HNRNPD: variants seen among roughly 807,000 people sequenced by gnomAD.
HNRNPD encodes the protein heterogeneous nuclear ribonucleoprotein D0.
In HNRNPD, 3 loss-of-function variants were observed where a neutral mutation model predicts 47.9. The observed-to-expected ratio is 0.06, with a 90% CI of 0.03 to 0.16. The LOEUF (loss-of-function observed/expected upper bound fraction) is 0.16. Ranked by LOEUF, HNRNPD falls within the 10% of genes least tolerant of loss-of-function variation. The pLI is 1.00. For synonymous variants in HNRNPD, 171 were observed against 165.1 expected (o/e 1.04, Z -0.28); for missense variants, 287 against 454.2 (o/e 0.63, Z 3.35).
chr4:82,358,642 A>G lies in HNRNPD; in HGVS notation c.621+17T>C. On this transcript the variant is annotated intron_variant, in intron 4 of 8. Coordinates refer to ENST00000313899, the MANE Select transcript of HNRNPD (RefSeq NM_031370.3). The stretch of plus-strand genomic sequence containing the variant: ...ACTAATTTTGACATAAACTGGGTCA[A>G]AACATTTATAACATACCTCACCAAA... 1.3e-6 allele frequency: 2 copies of G among 1,593,714 alleles called. No homozygotes were observed. Among genetic ancestry groups the G allele is most frequent in the Non-Finnish European group, 1.7e-6 (2 of 1,173,910 alleles).
intron 1 of HNRNPD, chr4:82,373,124 G>T (rs371855908): frequency 1.7e-6 from 1 of 573,352 alleles, no homozygotes; most frequent in Non-Finnish European, 3.3e-6. Context: ...GGTACCCCAC[G>T]ACAGGCGGGA....
At chr4:82,369,470 C>CA (rs1001578899) in intron 2 of HNRNPD, among the ~76,000 whole-genome samples, 1 of 152,130 alleles carries the variant, frequency 6.6e-6, no homozygotes, top group African/African-American at 2.4e-5. Context: ...TTTCTAAAAC[C>CA]AACTGATTTT....
At position 82,355,316 on chromosome 4, in the gene HNRNPD, A is replaced by C. The variant is rs781259622; in HGVS notation, c.*18T>G. ...TTTTAGAACATACCTGTTGGGGATA[A>C]GTTGCAAATGGAATAATTTAGTATG... On this transcript the variant is annotated 3_prime_UTR_variant, in exon 8 of 9. Coordinates refer to ENST00000313899, the MANE Select transcript of HNRNPD (RefSeq NM_031370.3). 5.0e-6 allele frequency: 8 copies of C among 1,593,338 alleles called. No individual in the cohort carries two copies. In the South Asian group the frequency reaches 7.7e-5, roughly 15 times the overall value.
chr4:82,362,278 TA>T (rs908210876), intron 2 of HNRNPD, among the ~76,000 whole-genome samples: 2 of 152,236 alleles, frequency 1.3e-5, no homozygotes, highest in African/African-American at 4.8e-5. Context: ...GTTGCTGTTC[TA>T]AAAAGTCTCC....
At position 82,373,915 on chromosome 4, in the gene HNRNPD, A is replaced by T; in HGVS notation, c.-237T>A. 9.9e-7 allele frequency: 1 copy of T among 1,008,236 alleles called. No individual in the cohort carries two copies. The highest frequency in any genetic ancestry group is 1.7e-5 in the African/African-American group (1 of 58,250). 62.5% of individuals were successfully genotyped at this position (1,008,236 alleles called of 1,614,324 possible). ...GCTCTCTCCCGCTGCACTAAAAAAG[A>T]ATAAGCACCAGCGGCGGCCGCTCTC... On this transcript the variant is annotated 5_prime_UTR_variant, in exon 1 of 9. Transcript: ENST00000313899.
rs1719869508 is a variant in HNRNPD at position 82,368,361 on chromosome 4, T to C, written c.290+3167A>G. Among the ~76,000 whole-genome samples, 11 of 152,154 alleles carry C rather than the reference T, an allele frequency of 7.2e-5. No homozygotes were observed. The South Asian group carries it at 2.3e-3, about 32-fold the overall frequency. ...ACGATAGCAGAGTACCCAGGAAATA[T>C]TAAAAACATACACTGAGTTTGTAGA... On this transcript the variant is annotated intron_variant, in intron 2 of 8. Transcript: ENST00000313899.
At chr4:82,363,795 T>C (rs971556634) in intron 2 of HNRNPD, among the ~76,000 whole-genome samples, 7 of 152,214 alleles carry the variant, frequency 4.6e-5, no homozygotes, top group African/African-American at 1.7e-4. Flanking sequence ...TGCTTTCACA[T>C]TGGCTTCCAC....
chr4:82,354,729 A>G (rs1287882796), intron 8 of HNRNPD: 1 of 152,668 alleles, frequency 6.6e-6, no homozygotes, highest in Non-Finnish European at 1.5e-5. Context: ...TAAATAGTTA[A>G]AATTATTCAG....
At chr4:82,359,977 C>A (rs1042990693) in intron 2 of HNRNPD, among the ~76,000 whole-genome samples, 5 of 152,180 alleles carry the variant, frequency 3.3e-5, no homozygotes, top group African/African-American at 9.6e-5. Flanking sequence ...CTTCAAATTT[C>A]TCTTCCAAAT....
intron 2 of HNRNPD, among the ~76,000 whole-genome samples, chr4:82,369,378 T>C (rs1719918291): frequency 6.6e-6 from 1 of 152,212 alleles, no homozygotes; most frequent in South Asian, 2.1e-4. Context: ...TAGTAAACTG[T>C]AGAAACATCC....
chr4:82,370,311 C>T (rs1035347118), intron 2 of HNRNPD, among the ~76,000 whole-genome samples: 6 of 152,100 alleles, frequency 3.9e-5, no homozygotes, highest in Non-Finnish European at 8.8e-5. Flanking sequence ...GTAATTACTT[C>T]GAAGAGTCAA....
intron 2 of HNRNPD, among the ~76,000 whole-genome samples, chr4:82,366,652 C>T (rs895622021): frequency 2.6e-5 from 4 of 152,060 alleles, no homozygotes; most frequent in African/African-American, 9.7e-5. Flanking sequence ...CTGCAACCTC[C>T]GCCTCCAGGG....
chr4:82,373,141 C>A (rs867131968), intron 1 of HNRNPD: 1 of 607,608 alleles, frequency 1.6e-6, no homozygotes, highest in Non-Finnish European at 3.1e-6. Context: ...GGGAAAAAAT[C>A]CTGGCGGCTA....
In HNRNPD at chr4:82,358,670, C is replaced by A; in HGVS notation, c.610G>T (p.Gly204Cys). The A allele has an allele frequency of 6.2e-7, 1 of 1,605,930 alleles. No individual in the cohort carries two copies. The highest frequency in any genetic ancestry group is 8.5e-7 in the Non-Finnish European group (1 of 1,178,362). The change falls in exon 4 of 9, where the codon GGT becomes TGT. Residue 204 changes from glycine to cysteine, a missense_variant. This residue lies in a region of HNRNPD where 39 missense variants were observed against 113.1 expected (regional missense o/e 0.34). Transcript: ENST00000313899. ...PEEKIREYFG[G>C]FGEVESIELP... Reference sequence around the variant, plus strand: ...CATTTATAACATACCTCACCAAAACCACCAAAGTACTCCCTTATTTTCTCT... The same window carrying A: ...CATTTATAACATACCTCACCAAAACAACCAAAGTACTCCCTTATTTTCTCT...
chr4:82,369,227 A>T (rs1719910711), intron 2 of HNRNPD, among the ~76,000 whole-genome samples: 1 of 152,248 alleles, frequency 6.6e-6, no homozygotes, highest in East Asian at 1.9e-4. Context: ...TGCAGAGAAC[A>T]GAATGGGTCC....
intron 6 of HNRNPD, 25 bp from the exon 7 acceptor site, chr4:82,356,708 A>C: frequency 6.2e-7 from 1 of 1,613,636 alleles, no homozygotes; most frequent in Non-Finnish European, 8.5e-7. Flanking sequence ...TAGGTTCACT[A>C]AAGTCAGAAG....
At chr4:82,371,975 G>C (rs1720067354) in intron 1 of HNRNPD, among the ~76,000 whole-genome samples, 1 of 151,924 alleles carries the variant, frequency 6.6e-6, no homozygotes, top group Non-Finnish European at 1.5e-5. Context: ...AGCCTGACAA[G>C]AATCTGCCTA....
At chr4:82,358,915 T>TG (rs1560434429) in intron 3 of HNRNPD, 95 bp from the exon 4 acceptor site, 1 of 919,088 alleles carries the variant, frequency 1.1e-6, no homozygotes, top group African/African-American at 1.7e-5. Flanking sequence ...ATACAGATAA[T>TG]GCCAAGCATA....
chr4:82,369,989 A>G (rs967532051), intron 2 of HNRNPD, among the ~76,000 whole-genome samples: 6 of 152,104 alleles, frequency 3.9e-5, no homozygotes, highest in African/African-American at 1.4e-4. Flanking sequence ...CTAAAAATAC[A>G]AAATTAGCCA....
Sources: gnomAD v4.1 joint callset for allele counts (sites outside exome capture counted in the v4.1 genomes callset) on GRCh38, gnomAD v4.1.1 for gene constraint, gnomAD v4.1.1 regional missense constraint, MANE v1.5 for transcripts, NCBI Gene and HGNC (gene_info 2026-07-23, HGNC 2026-07-21) for gene names.